The following UAP1 variants were observed in gnomAD, a reference collection of about 807,000 sequenced individuals.
UAP1 encodes UDP-N-acetylhexosamine pyrophosphorylase.
Under a neutral mutation model 58.5 loss-of-function variants are expected in UAP1, and 25 were observed. The ratio of observed to expected loss-of-function variants is 0.43; its 90% CI spans 0.31 to 0.60. The LOEUF is 0.60. Among genes scored for constraint, UAP1 ranks in the 20% least tolerant of loss-of-function variants. The pLI is 0.11. For synonymous variants in UAP1, 208 were observed against 213.0 expected (o/e 0.98, Z 0.21); for missense variants, 575 against 630.0 (o/e 0.91, Z 0.93).
In UAP1 at chr1:162,574,767, A is replaced by G. The variant is rs6657475; in HGVS notation, c.281-2010A>G. Among the ~76,000 whole-genome samples the G allele has an allele frequency of 6.8e-3, 1,029 of 152,152 alleles. 11 individuals carry two copies. The highest frequency in any genetic ancestry group is 0.023 in the African/African-American group (964 of 41,478). On this transcript the variant is annotated intron_variant, in intron 2 of 10. Coordinates refer to ENST00000271469, the Ensembl canonical transcript of UAP1. ...AGACTGTCCACTTTTGAATAATAAGATGGGTCTTAGGAATGGATTATGGCA... is the reference window on the plus strand; with the variant it reads ...AGACTGTCCACTTTTGAATAATAAGGTGGGTCTTAGGAATGGATTATGGCA...
chr1:162,580,968 A>G (rs566794803), intron 4 of UAP1, among the ~76,000 whole-genome samples: 1 of 152,214 alleles, frequency 6.6e-6, no homozygotes, highest in Non-Finnish European at 1.5e-5. Context: ...TTATGAAATA[A>G]TCATTGCCTG....
At chr1:162,578,258 G>A (rs1654336772) in intron 3 of UAP1, among the ~76,000 whole-genome samples, 1 of 152,062 alleles carries the variant, frequency 6.6e-6, no homozygotes, top group Non-Finnish European at 1.5e-5. Context: ...AGCAGCCTTT[G>A]GTCCAAGCCA....
intron 4 of UAP1, among the ~76,000 whole-genome samples, chr1:162,579,903 T>C (rs1352391238): frequency 6.6e-6 from 1 of 152,186 alleles, no homozygotes; most frequent in African/African-American, 2.4e-5. Flanking sequence ...CTCACTCTGT[T>C]GCCCAGGCTG....
At chr1:162,592,900 C>A in intron 9 of UAP1, 118 bp downstream of exon 9, 1 of 884,536 alleles carries the variant, frequency 1.1e-6, no homozygotes, top group Non-Finnish European at 1.8e-6. Context: ...ATGGTTGAAA[C>A]TTTGGTGTGG....
intron 3 of UAP1, among the ~76,000 whole-genome samples, chr1:162,577,213 G>T (rs1335751342): frequency 6.6e-6 from 1 of 151,794 alleles, no homozygotes; most frequent in Non-Finnish European, 1.5e-5. Context: ...TCCTGACTGA[G>T]TACCTTAAAG....
intron 10 of UAP1, among the ~76,000 whole-genome samples, chr1:162,598,663 C>T (rs1655752715): frequency 6.6e-6 from 1 of 152,006 alleles, no homozygotes; most frequent in South Asian, 2.1e-4. Flanking sequence ...AATATTTTTC[C>T]TGGAGATCTT....
intron 5 of UAP1, among the ~76,000 whole-genome samples, chr1:162,587,049 C>T (rs189123545): frequency 1.6e-3 from 249 of 152,152 alleles, no homozygotes; most frequent in Admixed American, 2.9e-3. Context: ...GACAAAATGC[C>T]TAACTTAGGT....
At chr1:162,585,792 AAAAAG>A (rs1219706459) in intron 5 of UAP1, among the ~76,000 whole-genome samples, 2 of 152,102 alleles carry the variant, frequency 1.3e-5, no homozygotes, top group African/African-American at 4.8e-5. Flanking sequence ...GTTAAAAAAA[AAAAAG>A]AGAGAGAATA....
exon 6 of UAP1, chr1:162,587,624 T>C (rs369560114): frequency 6.2e-7 from 1 of 1,614,066 alleles, no homozygotes; most frequent in Non-Finnish European, 8.5e-7. Context: ...CGGGGAACAT[T>C]GCCAACCATT....
intron 3 of UAP1, among the ~76,000 whole-genome samples, chr1:162,578,247 C>G (rs1360648679): frequency 2.0e-5 from 3 of 152,154 alleles, no homozygotes; most frequent in Admixed American, 6.5e-5. Context: ...TGTCCCCGAG[C>G]AGCAGCCTTT....
chr1:162,590,946 A>G (rs1655271449), intron 8 of UAP1, among the ~76,000 whole-genome samples: 1 of 143,932 alleles, frequency 6.9e-6, no homozygotes, highest in Non-Finnish European at 1.5e-5. Context: ...TTTTTTTGAG[A>G]CAGAGTCTTG....
chr1:162,597,850 G>A (rs993193885), exon 10 of UAP1: 4 of 1,611,418 alleles, frequency 2.5e-6, no homozygotes. Flanking sequence ...TATCTCCTAT[G>A]CTGGAGAAGT....
chr1:162,561,552 G>T (rs1273950908), exon 1 of UAP1: 2 of 152,144 alleles, frequency 1.3e-5, no homozygotes, highest in Non-Finnish European at 2.9e-5. Flanking sequence ...CGGCGCTGAC[G>T]TGTCTGGGCG....
At chr1:162,566,057 T>C (rs746949514) in exon 2 of UAP1, 3 of 1,608,614 alleles carry the variant, frequency 1.9e-6, no homozygotes, top group Non-Finnish European at 1.7e-6. Context: ...AAAGCTTGGC[T>C]ATTAGAGCAT....
intron 2 of UAP1, among the ~76,000 whole-genome samples, chr1:162,574,390 G>A (rs1654050887): frequency 6.6e-6 from 1 of 152,108 alleles, no homozygotes; most frequent in African/African-American, 2.4e-5. Flanking sequence ...ACTGCACCTG[G>A]CCGGGTTTAT....
At chr1:162,565,583 A>G (rs1178498249) in intron 1 of UAP1, among the ~76,000 whole-genome samples, 1 of 152,252 alleles carries the variant, frequency 6.6e-6, no homozygotes, top group Non-Finnish European at 1.5e-5. Flanking sequence ...GAAAACATTT[A>G]AATATTAAGC....
rs532803919 is a variant in UAP1 at position 162,586,463 on chromosome 1, G to C, written c.835-1012G>C. Among the ~76,000 whole-genome samples the C allele has an allele frequency of 4.1e-4, 63 of 152,096 alleles. 1 individual carries two copies. The South Asian group carries it at 0.011, about 26-fold the overall frequency. The stretch of plus-strand genomic sequence containing the variant: ...TTTCCTCAGTCTCCCTAGTAGCTGA[G>C]ACTCCAGCATGCCACCACGCCTGGC... On this transcript the variant is annotated intron_variant, in intron 5 of 10. Transcript: ENST00000271469.
intron 7 of UAP1, among the ~76,000 whole-genome samples, chr1:162,590,031 G>GTTT (rs34447708): frequency 4.8e-5 from 7 of 144,848 alleles, no homozygotes; most frequent in Admixed American, 2.7e-4. Context: ...TTTTTTGCCT[G>GTTT]TTTTTTTTTT....
intron 8 of UAP1, 69 bp downstream of exon 8, chr1:162,590,580 C>G: frequency 7.6e-7 from 1 of 1,310,224 alleles, no homozygotes; most frequent in Non-Finnish European, 1.0e-6. Context: ...TTCTCTCTCT[C>G]TCTCTCTCTC....
Sources: gnomAD v4.1 joint callset for allele counts (sites outside exome capture counted in the v4.1 genomes callset) on GRCh38, gnomAD v4.1.1 for gene constraint, MANE v1.5 for transcripts, NCBI Gene and HGNC (gene_info 2026-07-23, HGNC 2026-07-21) for gene names.